The following PKHD1 variants were observed in gnomAD, a reference collection of about 807,000 sequenced individuals.
The protein encoded by PKHD1 is fibrocystin.
Under a neutral mutation model 412.0 loss-of-function variants are expected in PKHD1, and 291 were observed. The ratio of observed to expected loss-of-function variants is 0.71; its 90% CI spans 0.64 to 0.78. The LOEUF (loss-of-function observed/expected upper bound fraction) is 0.78. Among genes scored for constraint, PKHD1 ranks in the 30% least tolerant of loss-of-function variants. The probability of loss-of-function intolerance (pLI) is 0.00; values close to 1 mark genes in which losing one functional copy is unlikely to be tolerated. For missense variants in PKHD1, 4,825 were observed against 4,950.7 expected (o/e 0.97, Z 0.76); for synonymous variants, 1,777 against 1,821.5 (o/e 0.98, Z 0.62).
intron 36 of PKHD1, among the ~76,000 whole-genome samples, chr6:51,939,630 C>A (rs544967271): frequency 2.6e-5 from 4 of 151,490 alleles, no homozygotes; most frequent in African/African-American, 4.8e-5. Context: ...ATAGACAAAC[C>A]GTCTGAGATG....
At chr6:51,737,223 G>A (rs969615237) in intron 60 of PKHD1, among the ~76,000 whole-genome samples, 1 of 152,176 alleles carries the variant, frequency 6.6e-6, no homozygotes, top group African/African-American at 2.4e-5. Flanking sequence ...TCAGACCACA[G>A]TACTTTGCTG....
At chr6:51,676,716 T>G (rs1775913333) in intron 60 of PKHD1, among the ~76,000 whole-genome samples, 1 of 152,054 alleles carries the variant, frequency 6.6e-6, no homozygotes, top group African/African-American at 2.4e-5. Context: ...CTATGAGGAG[T>G]GAAACTCCAA....
chr6:51,908,211 T>A (rs75023713), intron 40 of PKHD1, among the ~76,000 whole-genome samples: 1,636 of 152,124 alleles, frequency 0.011, 27 homozygotes, highest in East Asian at 0.067. Context: ...ATTGGAAAAA[T>A]TAGAAGAAAT....
chr6:51,974,764 T>C (rs1426378115), intron 35 of PKHD1, among the ~76,000 whole-genome samples: 2 of 152,142 alleles, frequency 1.3e-5, no homozygotes, highest in African/African-American at 4.8e-5. Context: ...TGCACACTGT[T>C]TGAGTGATGG....
At chr6:52,083,715 A>C (rs1433865602) in intron 2 of PKHD1, among the ~76,000 whole-genome samples, 1 of 152,102 alleles carries the variant, frequency 6.6e-6, no homozygotes, top group East Asian at 1.9e-4. Context: ...GAGAGAAAAA[A>C]GGACTTCCAT....
chr6:52,050,365 T>C, intron 21 of PKHD1, 70 bp from the exon 22 acceptor site: 1 of 1,520,866 alleles, frequency 6.6e-7, no homozygotes. Flanking sequence ...AAAATCCCAG[T>C]TGGAAATGTG....
chr6:51,727,221 T>TC (rs1206591368), intron 60 of PKHD1, among the ~76,000 whole-genome samples: 1 of 152,102 alleles, frequency 6.6e-6, no homozygotes, highest in African/African-American at 2.4e-5. Flanking sequence ...TCTTTTCTCT[T>TC]CCAGTCTCGG....
At chr6:51,893,960 G>A (rs2127579941) in intron 43 of PKHD1, among the ~76,000 whole-genome samples, 1 of 152,306 alleles carries the variant, frequency 6.6e-6, no homozygotes, top group East Asian at 1.9e-4. Flanking sequence ...CAGGGGTCTG[G>A]TTATAGGAAA....
intron 66 of PKHD1, among the ~76,000 whole-genome samples, chr6:51,623,730 T>A (rs1405042790): frequency 6.6e-6 from 1 of 152,066 alleles, no homozygotes; most frequent in Non-Finnish European, 1.5e-5. Context: ...ACTACAGGCA[T>A]GTGCCACCAC....
At chr6:51,842,708 C>T (rs1392881440) in intron 50 of PKHD1, among the ~76,000 whole-genome samples, 2 of 152,146 alleles carry the variant, frequency 1.3e-5, no homozygotes, top group Non-Finnish European at 2.9e-5. Context: ...GTGATGAAGA[C>T]CTCCTCCTGG....
intron 36 of PKHD1, among the ~76,000 whole-genome samples, chr6:51,956,753 A>T (rs1397099366): frequency 6.6e-6 from 1 of 152,074 alleles, no homozygotes; most frequent in Non-Finnish European, 1.5e-5. Flanking sequence ...AGAGCAAATG[A>T]AATAGGTGAG....
At chr6:52,048,691 ATGT>A in intron 22 of PKHD1, 72 bp from the exon 23 acceptor site, 1 of 1,578,706 alleles carries the variant, frequency 6.3e-7, no homozygotes, top group East Asian at 2.2e-5. Context: ...TGTCTGAAGG[ATGT>A]CCTGTCTTGC....
chr6:51,806,206 T>A (rs1446910130), intron 52 of PKHD1, among the ~76,000 whole-genome samples: 1 of 129,578 alleles, frequency 7.7e-6, no homozygotes, highest in Admixed American at 8.6e-5. Flanking sequence ...ACATGTACCC[T>A]AAAACTTAAA....
At chr6:51,626,135 A>AAC (rs1191532508) in intron 66 of PKHD1, among the ~76,000 whole-genome samples, 1 of 152,006 alleles carries the variant, frequency 6.6e-6, no homozygotes, top group Non-Finnish European at 1.5e-5. Context: ...CACCCACATA[A>AAC]ACACACACAT....
At position 52,056,930 on chromosome 6, in the gene PKHD1, A is replaced by G; in HGVS notation, c.1562T>C (p.Val521Ala). ...RGNFFLTWDN[V>A]SSQPIPANAT... Reference sequence around the variant, plus strand: ...ATTTGCAGGGATTGGCTGACTAGAGACATTGTCCCAAGTAAGGAAGAAGTT... The same window carrying G: ...ATTTGCAGGGATTGGCTGACTAGAGGCATTGTCCCAAGTAAGGAAGAAGTT... The change falls in exon 17 of 67, where the codon GTC becomes GCC. Residue 521 changes from valine to alanine, a missense_variant. Coordinates refer to ENST00000371117, the MANE Select transcript of PKHD1 (RefSeq NM_138694.4). The G allele has an allele frequency of 1.2e-6, 2 of 1,614,032 alleles. No individual in the cohort carries two copies. Among genetic ancestry groups the G allele is most frequent in the African/African-American group, 1.3e-5 (1 of 75,034 alleles).
At chr6:51,758,034 G>GAGAGAGAGAGAGAA (rs1362398359) in intron 55 of PKHD1, among the ~76,000 whole-genome samples, 34 of 150,388 alleles carry the variant, frequency 2.3e-4, no homozygotes, top group Non-Finnish European at 4.6e-4. Context: ...GAGAGAGAGA[G>GAGAGAGAGAGAGAA]AGAGAGAGAG....
At chr6:52,009,416 G>C (rs12212091) in intron 35 of PKHD1, among the ~76,000 whole-genome samples, 3,049 of 152,340 alleles carry the variant, frequency 0.02, 48 homozygotes, top group South Asian at 0.047. Flanking sequence ...GATTAGGACA[G>C]TTTGACTGCA....
chr6:51,692,149 A>T (rs1778238842), intron 60 of PKHD1, among the ~76,000 whole-genome samples: 1 of 151,972 alleles, frequency 6.6e-6, no homozygotes, highest in Non-Finnish European at 1.5e-5. Flanking sequence ...CTCAACCTTC[A>T]TTCTTCTCCC....
intron 5 of PKHD1, among the ~76,000 whole-genome samples, chr6:52,079,104 A>T (rs554512819): frequency 1.3e-5 from 2 of 152,358 alleles, no homozygotes; most frequent in South Asian, 4.1e-4. Context: ...AAGGGCAACC[A>T]CATCGACAGG....
Sources: gnomAD v4.1 joint callset for allele counts (sites outside exome capture counted in the v4.1 genomes callset) on GRCh38, gnomAD v4.1.1 for gene constraint, MANE v1.5 for transcripts, NCBI Gene and HGNC (gene_info 2026-07-23, HGNC 2026-07-21) for gene names.